Variants in CTNNA2 observed in about 807,000 individuals in gnomAD.
The protein encoded by CTNNA2 is catenin alpha-2.
In CTNNA2, 42 loss-of-function variants were observed where a neutral mutation model predicts 101.0. The ratio of observed to expected loss-of-function variants is 0.42; its 90% CI spans 0.32 to 0.54. The LOEUF is 0.54. Among genes scored for constraint, CTNNA2 ranks in the 20% least tolerant of loss-of-function variants. The pLI, the probability that CTNNA2 is intolerant of heterozygous loss-of-function variation, is 0.14. For synonymous variants in CTNNA2, 450 were observed against 456.4 expected (o/e 0.99, Z 0.18); for missense variants, 871 against 1,223.1 (o/e 0.71, Z 4.29).
intron 3 of CTNNA2, among the ~76,000 whole-genome samples, chr2:79,821,381 T>A (rs1443516856): frequency 6.6e-6 from 1 of 152,138 alleles, no homozygotes; most frequent in South Asian, 2.1e-4. Flanking sequence ...GCTAGTTTTT[T>A]AATTTCATGT....
At chr2:79,785,268 T>A (rs1674749183) in intron 3 of CTNNA2, among the ~76,000 whole-genome samples, 1 of 152,188 alleles carries the variant, frequency 6.6e-6, no homozygotes, top group Non-Finnish European at 1.5e-5. Flanking sequence ...TCTGTTGTAC[T>A]GTGCTTAGTT....
At position 80,338,005 on chromosome 2, in the gene CTNNA2, T is replaced by C. The variant is rs192449867; in HGVS notation, c.1057-55206T>C. On this transcript the variant is annotated intron_variant, in intron 7 of 18. Coordinates refer to ENST00000402739, the MANE Select transcript of CTNNA2 (RefSeq NM_001282597.3). ...TGTAGTTTACTTTTCTTTTTTTTTT[T>C]TGAGACAGAGTGTCACTCTGTTGCC... Among the ~76,000 whole-genome samples, 282 of 152,042 alleles carry C rather than the reference T, an allele frequency of 1.9e-3. 7 individuals carry two copies. In the South Asian group the frequency reaches 0.023, roughly 13 times the overall value.
chr2:80,491,858 T>C (rs1156764570), intron 9 of CTNNA2, among the ~76,000 whole-genome samples: 1 of 152,184 alleles, frequency 6.6e-6, no homozygotes, highest in Non-Finnish European at 1.5e-5. Context: ...GGATCTGGTT[T>C]TGTTGCCTGT....
chr2:80,419,698 T>C (rs1052924022), intron 9 of CTNNA2, 97 bp downstream of exon 9: 55 of 1,300,884 alleles, frequency 4.2e-5, no homozygotes, highest in Non-Finnish European at 5.7e-5. Context: ...CTATTGTATT[T>C]TTGGAGAAAT....
intron 8 of CTNNA2, among the ~76,000 whole-genome samples, chr2:80,407,694 C>T (rs888322566): frequency 2.0e-5 from 3 of 152,296 alleles, no homozygotes; most frequent in South Asian, 2.1e-4. Flanking sequence ...AATCCAACTA[C>T]GTTTCTCTTA....
intron 7 of CTNNA2, among the ~76,000 whole-genome samples, chr2:79,964,669 G>C (rs1689905369): frequency 6.6e-6 from 1 of 152,168 alleles, no homozygotes; most frequent in Non-Finnish European, 1.5e-5. Flanking sequence ...AATTACACAA[G>C]TTCTGGGTAA....
At chr2:80,310,413 T>G (rs932102019) in intron 7 of CTNNA2, among the ~76,000 whole-genome samples, 7 of 152,218 alleles carry the variant, frequency 4.6e-5, no homozygotes, top group African/African-American at 1.7e-4. Context: ...CATATTATCC[T>G]AGGAGATAAT....
At chr2:79,503,818 T>A (rs1353664105) in intron 4 of CTNNA2, among the ~76,000 whole-genome samples, 2 of 152,182 alleles carry the variant, frequency 1.3e-5, no homozygotes, top group Non-Finnish European at 2.9e-5. Context: ...TGGAAGTTGA[T>A]CCACTACCCG....
chr2:79,434,636 A>C (rs1309523639), intron 4 of CTNNA2, among the ~76,000 whole-genome samples: 1 of 152,194 alleles, frequency 6.6e-6, no homozygotes, highest in Non-Finnish European at 1.5e-5. Flanking sequence ...AAATTCAAAA[A>C]GGGGTGAGGA....
chr2:80,411,535 G>A (rs1679573753), intron 8 of CTNNA2, among the ~76,000 whole-genome samples: 1 of 152,072 alleles, frequency 6.6e-6, no homozygotes. Flanking sequence ...AGAATCCCTT[G>A]TATATATACT....
intron 2 of CTNNA2, among the ~76,000 whole-genome samples, chr2:79,713,560 C>T (rs1042454672): frequency 6.6e-6 from 1 of 152,204 alleles, no homozygotes; most frequent in Admixed American, 6.5e-5. Context: ...GGAATTACAT[C>T]ACTCCAGTAC....
Position 80,434,079 on chromosome 2 carries a change from T to C in CTNNA2, c.1290+14478T>C, listed in dbSNP as rs186343688. On this transcript the variant is annotated intron_variant, in intron 9 of 18. Coordinates refer to ENST00000402739, the MANE Select transcript of CTNNA2 (RefSeq NM_001282597.3). The stretch of plus-strand genomic sequence containing the variant: ...GTTTCTCACGGTCAAAAAATACTAA[T>C]GACATGTGTGCAAGTGATTTTCTTG... Among the ~76,000 whole-genome samples the C allele has an allele frequency of 4.4e-3, 668 of 152,356 alleles. 2 individuals carry two copies. The highest frequency in any genetic ancestry group is 0.015 in the African/African-American group (636 of 41,594).
chr2:79,411,518 G>C (rs985486497), intron 4 of CTNNA2, among the ~76,000 whole-genome samples: 5 of 152,012 alleles, frequency 3.3e-5, no homozygotes, highest in Non-Finnish European at 5.9e-5. Context: ...ACCCACAAAG[G>C]GAAGCCCATC....
At chr2:79,801,497 A>T (rs745475527) in intron 3 of CTNNA2, among the ~76,000 whole-genome samples, 22 of 152,180 alleles carry the variant, frequency 1.4e-4, no homozygotes, top group Non-Finnish European at 2.1e-4. Context: ...GCTAATAGAT[A>T]AGAGCTGTTT....
At chr2:80,534,870 T>C (rs1329386956) in intron 9 of CTNNA2, among the ~76,000 whole-genome samples, 1 of 152,166 alleles carries the variant, frequency 6.6e-6, no homozygotes, top group Non-Finnish European at 1.5e-5. Context: ...AAGATGTGTA[T>C]TACTTTGTTT....
intron 2 of CTNNA2, among the ~76,000 whole-genome samples, chr2:79,729,133 G>T (rs1433640170): frequency 6.6e-6 from 1 of 152,136 alleles, no homozygotes; most frequent in Non-Finnish European, 1.5e-5. Context: ...CAAAAATGAA[G>T]CCCAAAGAGA....
intron 7 of CTNNA2, among the ~76,000 whole-genome samples, chr2:80,249,407 G>C (rs1671585447): frequency 6.6e-6 from 1 of 152,150 alleles, no homozygotes; most frequent in South Asian, 2.1e-4. Context: ...GCTTTGCGAA[G>C]GGAGCTCTTA....
chr2:79,632,251 T>A (rs4852502), intron 1 of CTNNA2, among the ~76,000 whole-genome samples: 1 of 151,906 alleles, frequency 6.6e-6, no homozygotes, highest in Non-Finnish European at 1.5e-5. Context: ...CTTTGTAAAA[T>A]TGAAAGTAAA....
chr2:79,688,978 G>T (rs577139581), intron 2 of CTNNA2, among the ~76,000 whole-genome samples: 1 of 152,066 alleles, frequency 6.6e-6, no homozygotes, highest in South Asian at 2.1e-4. Context: ...ATGGCTGGGG[G>T]TAAGAAGACT....
Sources: allele counts gnomAD v4.1 joint callset (sites outside exome capture counted in the v4.1 genomes callset), GRCh38; gene constraint gnomAD v4.1.1; transcripts MANE v1.5; gene names NCBI Gene and HGNC (gene_info 2026-07-23, HGNC 2026-07-21).